Variants in THRA observed in about 807,000 individuals in gnomAD.
THRA encodes the protein EAR-7.
Under a neutral mutation model 45.0 loss-of-function variants are expected in THRA, and 13 were observed. The ratio of observed to expected loss-of-function variants is 0.29; its 90% confidence interval spans 0.19 to 0.46. The LOEUF is 0.46. Ranked by LOEUF, THRA falls within the 20% of genes least tolerant of loss-of-function variation. THRA has a pLI of 1.00. For missense variants in THRA, 278 were observed against 556.1 expected (o/e 0.50, Z 5.03); for synonymous variants, 195 against 214.0 (o/e 0.91, Z 0.78).
At chr17:40,072,575 A>G (rs1484636141) in intron 1 of THRA, among the ~76,000 whole-genome samples, 1 of 152,064 alleles carries the variant, frequency 6.6e-6, no homozygotes, top group Non-Finnish European at 1.5e-5. Flanking sequence ...CCAGACCCGG[A>G]GAGAGAGACA....
At chr17:40,068,545 G>C (rs1986654416) in intron 1 of THRA, among the ~76,000 whole-genome samples, 1 of 152,230 alleles carries the variant, frequency 6.6e-6, no homozygotes, top group Non-Finnish European at 1.5e-5. Flanking sequence ...TGCGTGAGGT[G>C]GTCCAGAGGG....
In THRA at chr17:40,092,777, C is replaced by T. The variant is rs1216306856; in HGVS notation, c.*3321C>T. 2 of 513,912 alleles carry T rather than the reference C, an allele frequency of 3.9e-6. No individual in the cohort carries two copies. Among genetic ancestry groups the T allele is most frequent in the African/African-American group, 3.9e-5 (2 of 51,670 alleles). 31.8% of individuals were successfully genotyped at this position (513,912 alleles called of 1,614,324 possible). Reference sequence around the variant, plus strand: ...CCACCCCACCCCCCAAACGAGCACACACCACAGAAGCCAGCTCAGCTGTGA... The same window carrying T: ...CCACCCCACCCCCCAAACGAGCACATACCACAGAAGCCAGCTCAGCTGTGA... On this transcript the variant is annotated 3_prime_UTR_variant, in exon 9 of 9. Transcript: ENST00000450525.
chr17:40,083,218 C>T (rs1415690254), intron 4 of THRA, among the ~76,000 whole-genome samples: 2 of 152,174 alleles, frequency 1.3e-5, no homozygotes, highest in African/African-American at 2.4e-5. Context: ...TAAGCCACCG[C>T]GCCCGGCCTA....
At position 40,089,030 on chromosome 17, in the gene THRA, T is replaced by C. The variant is rs1420847107; in HGVS notation, c.983-176T>C. Among the ~76,000 whole-genome samples, 2 of 66,166 alleles carry C rather than the reference T, an allele frequency of 3.0e-5. No individual in the cohort carries two copies. The highest frequency in any genetic ancestry group is 6.1e-5 in the African/African-American group (1 of 16,494). 43.4% of individuals were successfully genotyped at this position (66,166 alleles called of 152,430 possible). A position where few individuals can be genotyped will look rare whatever the true frequency, so the allele number is the denominator to read the frequency against. On this transcript the variant is annotated intron_variant, in intron 8 of 8. Transcript: ENST00000450525. The surrounding 1 kb of genome is among the most constrained non-coding windows in gnomAD (Gnocchi z 6.1). ...CCTCTCCACTTCCCAGCTGCCTCCC[T>C]CTCCCTGTGCTTCTCCTGTCCACGT...
chr17:40,075,039 C>A (rs1006780556), intron 2 of THRA, among the ~76,000 whole-genome samples: 20 of 152,276 alleles, frequency 1.3e-4, no homozygotes, highest in Non-Finnish European at 2.8e-4. Context: ...CCCACAAGCT[C>A]TTCCTTGTTC....
At chr17:40,078,260 A>G (rs1987019697) in intron 4 of THRA, among the ~76,000 whole-genome samples, 1 of 152,210 alleles carries the variant, frequency 6.6e-6, no homozygotes, top group Non-Finnish European at 1.5e-5. Flanking sequence ...AGGCGGGAGC[A>G]TCCCTTGATC....
chr17:40,068,182 T>G (rs796574469), intron 1 of THRA, among the ~76,000 whole-genome samples: 5 of 152,364 alleles, frequency 3.3e-5, no homozygotes, highest in African/African-American at 1.2e-4. Context: ...TTGGGAGGCC[T>G]GGCTGTTGAC....
In THRA at chr17:40,092,473, A is replaced by G. The variant is rs1987612729; in HGVS notation, c.*3017A>G. ...GGCAGGGGTGACTTGAGGGGCTCCTACTCCTGCCCCACGTTGACAATCAGT... is the reference window on the plus strand; with the variant it reads ...GGCAGGGGTGACTTGAGGGGCTCCTGCTCCTGCCCCACGTTGACAATCAGT... On this transcript the variant is annotated 3_prime_UTR_variant, in exon 9 of 9. Transcript: ENST00000450525. 1 of 152,060 alleles carries G rather than the reference A, an allele frequency of 6.6e-6. No individual in the cohort carries two copies. The highest frequency in any genetic ancestry group is 1.5e-5 in the Non-Finnish European group (1 of 68,548). The allele number at this position is 152,060 out of a possible 1,614,324, so 9.4% of individuals were successfully genotyped here.
intron 4 of THRA, among the ~76,000 whole-genome samples, chr17:40,080,404 TAAAAAC>T (rs1407451421): frequency 1.4e-5 from 2 of 145,566 alleles, no homozygotes; most frequent in African/African-American, 5.1e-5. Flanking sequence ...GACCCTGTCT[TAAAAAC>T]AAAAAACAAA....
rs1351207088 is a variant in THRA at position 40,074,420 on chromosome 17, CG to C, written c.-62del. 45 of 1,569,424 alleles carry C rather than the reference CG, an allele frequency of 2.9e-5. No individual in the cohort carries two copies. Among genetic ancestry groups the C allele is most frequent in the African/African-American group, 4.1e-5 (3 of 74,002 alleles). ...GGGGGTGGGTGGCCTGTGGGTGTGC[CG>C]GGGGGGCCAGTGTGCCCACCCCAGT... is the stretch of plus-strand genomic sequence containing the variant. On this transcript the variant is annotated 5_prime_UTR_variant, in exon 2 of 9. Coordinates refer to ENST00000450525, the MANE Select transcript of THRA (RefSeq NM_199334.5).
chr17:40,067,923 G>A lies in THRA; in HGVS notation c.-298+4831G>A, dbSNP rs1986629310. On this transcript the variant is annotated intron_variant, in intron 1 of 8. Transcript: ENST00000450525. ...TGTTACCAGCTACTTGGGAGGCTGA[G>A]GCCGGAGGATCGCTTAAGCCTGGAA... Among the ~76,000 whole-genome samples the A allele has an allele frequency of 2.6e-5, 4 of 152,340 alleles. No homozygotes were observed. In the South Asian group the frequency reaches 8.3e-4, roughly 32 times the overall value.
At position 40,087,699 on chromosome 17, in the gene THRA, G is replaced by T. The variant is rs543181584; in HGVS notation, c.724-543G>T. Among the ~76,000 whole-genome samples the T allele has an allele frequency of 1.1e-4, 16 of 152,332 alleles. 1 individual carries two copies. The highest frequency in any genetic ancestry group is 6.2e-4 in the South Asian group (3 of 4,828). ...GGGGTAAGTTACCTCCATCCCCTGT[G>T]CCTCAGTGTTCCCATCTGGAGTGGG... On this transcript the variant is annotated intron_variant, in intron 7 of 8. Coordinates refer to ENST00000450525, the MANE Select transcript of THRA (RefSeq NM_199334.5).
intron 3 of THRA, among the ~76,000 whole-genome samples, chr17:40,077,214 G>T (rs1025303649): frequency 5.3e-5 from 8 of 152,280 alleles, no homozygotes; most frequent in Middle Eastern, 3.4e-3. Context: ...GGACTGAGGG[G>T]CTGTATTATC....
intron 1 of THRA, among the ~76,000 whole-genome samples, chr17:40,068,434 G>A (rs1986649274): frequency 1.3e-5 from 2 of 152,236 alleles, no homozygotes; most frequent in Non-Finnish European, 2.9e-5. Context: ...TCTCACTGAA[G>A]TATCTGGGGC....
chr17:40,086,261 T>C (rs148448895), intron 6 of THRA, among the ~76,000 whole-genome samples: 4 of 152,320 alleles, frequency 2.6e-5, no homozygotes, highest in African/African-American at 7.2e-5. Flanking sequence ...CAAGCAGATG[T>C]GTAACAGTCA....
chr17:40,093,451 G>T (rs1016160519), downstream of THRA: 78 of 1,515,056 alleles, frequency 5.1e-5, no homozygotes, highest in Non-Finnish European at 4.4e-5. This position sits in a 1 kb window ranked among gnomAD's most constrained non-coding sequence, Gnocchi z 5.9. Context: ...TGCCCCAAGA[G>T]CAGGAGGTGC....
chr17:40,075,493 A>T (rs1162210448), intron 2 of THRA, among the ~76,000 whole-genome samples: 1 of 152,066 alleles, frequency 6.6e-6, no homozygotes, highest in African/African-American at 2.4e-5. Flanking sequence ...CCAAAGCCTC[A>T]CCCCAGGAAG....
chr17:40,078,275 G>A (rs1427376931), intron 4 of THRA, among the ~76,000 whole-genome samples: 1 of 152,198 alleles, frequency 6.6e-6, no homozygotes, highest in East Asian at 1.9e-4. Flanking sequence ...TTGATCCCAG[G>A]AGTTTGAGAC....
chr17:40,092,751 T>TC lies in THRA; in HGVS notation c.*3297dup. On this transcript the variant is annotated 3_prime_UTR_variant, in exon 9 of 9. Transcript: ENST00000450525. Reference sequence around the variant, plus strand: ...GGCCCCCCCCAGCCTTGGCAGTATTTCCACCCCACCCCCCAAACGAGCACA... The same window carrying TC: ...GGCCCCCCCCAGCCTTGGCAGTATTTCCCACCCCACCCCCCAAACGAGCACA... 1 of 359,014 alleles carries TC rather than the reference T, an allele frequency of 2.8e-6. No homozygotes were observed. The highest frequency in any genetic ancestry group is 4.9e-6 in the Non-Finnish European group (1 of 202,956). 22.2% of individuals were successfully genotyped at this position (359,014 alleles called of 1,614,324 possible). A position where few individuals can be genotyped will look rare whatever the true frequency, so the allele number is the denominator to read the frequency against.
Sources: allele counts gnomAD v4.1 joint callset (sites outside exome capture counted in the v4.1 genomes callset), GRCh38; gene constraint gnomAD v4.1.1; non-coding constraint Gnocchi (gnomAD v3.1); transcripts MANE v1.5; gene names NCBI Gene and HGNC (gene_info 2026-07-23, HGNC 2026-07-21).